TENM2: variants seen among roughly 807,000 people sequenced by gnomAD.
TENM2 encodes teneurin-2.
Under a neutral mutation model 245.2 loss-of-function variants are expected in TENM2, and 52 were observed. The ratio of observed to expected loss-of-function variants is 0.21; its 90% CI spans 0.17 to 0.27. The LOEUF is 0.27. TENM2 is among the 10% of genes least tolerant of loss of function. The probability of loss-of-function intolerance (pLI) is 1.00; values close to 1 mark genes in which losing one functional copy is unlikely to be tolerated. For synonymous variants in TENM2, 1,363 were observed against 1,438.9 expected (o/e 0.95, Z 1.19); for missense variants, 3,046 against 3,666.8 (o/e 0.83, Z 4.37).
chr5:168,262,311 T>C, exon 29 of TENM2: 1 of 1,610,604 alleles, frequency 6.2e-7, no homozygotes, highest in African/African-American at 1.3e-5. Flanking sequence ...CTGGACAAGA[T>C]GCACTACAGC....
intron 2 of TENM2, among the ~76,000 whole-genome samples, chr5:167,567,011 A>G (rs1266347412): frequency 6.6e-6 from 1 of 151,708 alleles, no homozygotes; most frequent in Non-Finnish European, 1.5e-5. Context: ...AAGCAAAATA[A>G]TTTGTTTTAA....
chr5:168,118,470 C>T, exon 10 of TENM2: 5 of 1,557,792 alleles, frequency 3.2e-6, no homozygotes, highest in Non-Finnish European at 3.5e-6. Flanking sequence ...GCTACAAAGG[C>T]GAGCACTGTG....
chr5:167,531,957 A>G (rs757340552), intron 2 of TENM2, among the ~76,000 whole-genome samples: 4 of 152,156 alleles, frequency 2.6e-5, no homozygotes, highest in African/African-American at 4.8e-5. Context: ...TCCTAGGTAT[A>G]GTGGAAAAAG....
At chr5:168,103,257 A>G (rs183385321) in intron 9 of TENM2, among the ~76,000 whole-genome samples, 19 of 152,368 alleles carry the variant, frequency 1.2e-4, no homozygotes, top group Non-Finnish European at 2.1e-4. Context: ...CAAGCTGCAC[A>G]GATAGAACAC....
chr5:168,172,701 G>A (rs539331021), intron 13 of TENM2, among the ~76,000 whole-genome samples: 15 of 152,304 alleles, frequency 9.8e-5, no homozygotes, highest in Admixed American at 2.0e-4. Context: ...TACCATCGGC[G>A]TTAGCTTTTC....
At chr5:168,084,563 G>T (rs193147121) in intron 7 of TENM2, among the ~76,000 whole-genome samples, 2 of 152,208 alleles carry the variant, frequency 1.3e-5, no homozygotes, top group Non-Finnish European at 2.9e-5. Flanking sequence ...GCAAAGGCAG[G>T]ATTAACAAGA....
intron 2 of TENM2, among the ~76,000 whole-genome samples, chr5:167,605,885 G>T (rs1035644330): frequency 6.6e-6 from 1 of 152,096 alleles, no homozygotes; most frequent in African/African-American, 2.4e-5. Context: ...TTTGGGTGTC[G>T]CCCAGAAGAG....
intron 2 of TENM2, among the ~76,000 whole-genome samples, chr5:167,734,480 A>T (rs1293260189): frequency 6.7e-6 from 1 of 148,434 alleles, no homozygotes; most frequent in Non-Finnish European, 1.5e-5. Context: ...CATATATAAT[A>T]TATGCAATAT....
At chr5:167,443,448 G>T (rs1298973186) in intron 2 of TENM2, among the ~76,000 whole-genome samples, 1 of 152,178 alleles carries the variant, frequency 6.6e-6, no homozygotes, top group Non-Finnish European at 1.5e-5. Context: ...GCTAAACTTA[G>T]AATTTTTACT....
At chr5:168,070,412 A>G (rs1458217453) in intron 7 of TENM2, among the ~76,000 whole-genome samples, 1 of 152,154 alleles carries the variant, frequency 6.6e-6, no homozygotes, top group Non-Finnish European at 1.5e-5. Context: ...TTCCCAGATA[A>G]CTAGATCCTA....
the TENM2 span, among the ~76,000 whole-genome samples, chr5:167,255,649 A>AT: frequency 6.6e-6 from 1 of 152,082 alleles, no homozygotes; most frequent in Non-Finnish European, 1.5e-5. Context: ...TTACAGCTAC[A>AT]TTTTTTTCAA....
chr5:167,600,309 C>G (rs1280249307), intron 2 of TENM2, among the ~76,000 whole-genome samples: 1 of 151,728 alleles, frequency 6.6e-6, no homozygotes, highest in Admixed American at 6.6e-5. Context: ...TTGATTTGGG[C>G]AGCAAATTAG....
chr5:167,469,744 A>G (rs1178478461), intron 2 of TENM2, among the ~76,000 whole-genome samples: 1 of 151,710 alleles, frequency 6.6e-6, no homozygotes, highest in Non-Finnish European at 1.5e-5. Context: ...TTTTTTTCAG[A>G]AAAATAAGAC....
At chr5:168,073,929 C>T (rs1260205847) in intron 7 of TENM2, among the ~76,000 whole-genome samples, 1 of 152,178 alleles carries the variant, frequency 6.6e-6, no homozygotes, top group African/African-American at 2.4e-5. Context: ...CAGCCAGGGA[C>T]AGGGCAGAGC....
chr5:167,239,713 G>A, the TENM2 span, among the ~76,000 whole-genome samples: 32,580 of 152,140 alleles, frequency 0.21, 3,808 homozygotes, highest in African/African-American at 0.31. Context: ...AGAAACAGTT[G>A]AGAAATACAT....
intron 6 of TENM2, among the ~76,000 whole-genome samples, chr5:168,050,394 C>G (rs913383975): frequency 6.6e-6 from 1 of 152,162 alleles, no homozygotes; most frequent in Non-Finnish European, 1.5e-5. Flanking sequence ...TTTAGATAAC[C>G]TGAATCAATT....
rs547163190 is a variant in TENM2 at position 167,927,238 on chromosome 5, C to T, written c.713-25350C>T. On this transcript the variant is annotated intron_variant, in intron 3 of 28. Coordinates refer to ENST00000518659, the Ensembl canonical transcript of TENM2. Reference sequence around the variant, plus strand: ...ACCCTTTCCATCAGGCTGGGTTCATCGGTCTAAAGTCAAAAATCTCTATGC... The same window carrying T: ...ACCCTTTCCATCAGGCTGGGTTCATTGGTCTAAAGTCAAAAATCTCTATGC... 5.6e-4 allele frequency among the ~76,000 whole-genome samples: 85 copies of T among 152,140 alleles called. 1 individual carries two copies. The highest frequency in any genetic ancestry group is 7.9e-4 in the Non-Finnish European group (54 of 68,024).
chr5:167,503,150 A>C (rs990725014), intron 2 of TENM2, among the ~76,000 whole-genome samples: 1 of 152,302 alleles, frequency 6.6e-6, no homozygotes, highest in South Asian at 2.1e-4. Flanking sequence ...TTTACTAATC[A>C]AAGTAATACA....
intron 2 of TENM2, among the ~76,000 whole-genome samples, chr5:167,392,439 A>G (rs1761812486): frequency 6.6e-6 from 1 of 152,176 alleles, no homozygotes; most frequent in Admixed American, 6.5e-5. Context: ...GATGGCCTGA[A>G]TAGAACAAAA....
Sources: gnomAD v4.1 joint callset for allele counts (sites outside exome capture counted in the v4.1 genomes callset) on GRCh38, gnomAD v4.1.1 for gene constraint, MANE v1.5 for transcripts, NCBI Gene and HGNC (gene_info 2026-07-23, HGNC 2026-07-21) for gene names.